The following TLL2 variants were observed in gnomAD, a reference collection of about 807,000 sequenced individuals.
TLL2 encodes the protein tolloid-like protein 2.
A neutral mutation model predicts 123.0 loss-of-function variants in TLL2; 106 were observed. The observed-to-expected ratio is 0.86, with a 90% CI of 0.74 to 1.01. The LOEUF is 1.01. Ranked by LOEUF, TLL2 falls within the 50% of genes least tolerant of loss-of-function variation. The pLI, the probability that TLL2 is intolerant of heterozygous loss-of-function variation, is 0.00. For synonymous variants in TLL2, 494 were observed against 516.8 expected, an observed-to-expected ratio of 0.96 and a Z score of 0.60; for missense variants, 1,332 against 1,336.7, an observed-to-expected ratio of 1.00 and a Z score of 0.06.
intron 1 of TLL2, among the ~76,000 whole-genome samples, chr10:96,482,124 G>T (rs1234177086): frequency 6.6e-6 from 1 of 152,196 alleles, no homozygotes; most frequent in Non-Finnish European, 1.5e-5. Flanking sequence ...TGGGCATGGT[G>T]GCGGGCGCCT....
Position 96,395,252 on chromosome 10 carries a change from A to T in TLL2, c.1661T>A (p.Leu554Gln), listed in dbSNP as rs546079212. The change falls in exon 13 of 21, where the codon CTG becomes CAG. Residue 554 changes from leucine (L) to glutamine (Q), a missense_variant. By Grantham distance (113) the Leu-to-Gln change is moderately radical. Transcript: ENST00000357947. ...GCCATCGGACACAAACTTCATCCAC[A>T]GTCTGTTGGAGCTCGATTTCACATC... is the stretch of plus-strand genomic sequence containing the variant. ...PEDVKSSSNR[L>Q]WMKFVSDGSI... 1 of 1,613,810 alleles carries T rather than the reference A, an allele frequency of 6.2e-7. No individual in the cohort carries two copies. Among genetic ancestry groups the T allele is most frequent in the Non-Finnish European group, 8.5e-7 (1 of 1,179,938 alleles).
intron 1 of TLL2, among the ~76,000 whole-genome samples, chr10:96,487,475 C>T (rs1055792043): frequency 6.6e-6 from 1 of 152,106 alleles, no homozygotes; most frequent in Non-Finnish European, 1.5e-5. Context: ...AACCAGACAG[C>T]GGGGGCTAAA....
At chr10:96,379,686 G>A (rs1181401969) in intron 16 of TLL2, among the ~76,000 whole-genome samples, 1 of 152,200 alleles carries the variant, frequency 6.6e-6, no homozygotes, top group Non-Finnish European at 1.5e-5. Context: ...GCCAGGCGTG[G>A]TGGTGCATGC....
Position 96,513,671 on chromosome 10 carries a change from A to G in TLL2, c.15T>C (p.Thr5=), listed in dbSNP as rs1453057863. 2 of 1,558,692 alleles carry G rather than the reference A, an allele frequency of 1.3e-6. No homozygotes were observed. Among genetic ancestry groups the G allele is most frequent in the Admixed American group, 3.7e-5 (2 of 54,698 alleles). ...GCAGTGACACCAGGGCCCCAAGTGC[A>G]GTCGCCCGGGGCATGGTGGCGCGGG... MPRA[T]ALGALVSLLL... Residue 5 remains threonine, a synonymous_variant, in exon 1 of 21, where the codon ACT becomes ACC. Transcript: ENST00000357947.
At chr10:96,502,175 C>G (rs990039073) in intron 1 of TLL2, among the ~76,000 whole-genome samples, 2 of 152,028 alleles carry the variant, frequency 1.3e-5, no homozygotes, top group African/African-American at 2.4e-5. Context: ...GAAGAAGAAC[C>G]GATGTGAGCT....
chr10:96,457,242 AG>A (rs1414998035), intron 2 of TLL2, among the ~76,000 whole-genome samples: 2 of 152,138 alleles, frequency 1.3e-5, no homozygotes, highest in Admixed American at 6.5e-5. Context: ...CCAGGACCAC[AG>A]CTGAACCAGC....
intron 7 of TLL2, 107 bp downstream of exon 7, chr10:96,420,849 G>A (rs1432018007): frequency 1.4e-5 from 13 of 909,202 alleles, no homozygotes; most frequent in South Asian, 6.8e-5. Context: ...CAGGCCAGCC[G>A]TGCTAGAAGC....
At chr10:96,466,040 C>T (rs568403075) in intron 2 of TLL2, among the ~76,000 whole-genome samples, 6 of 152,316 alleles carry the variant, frequency 3.9e-5, no homozygotes, top group African/African-American at 1.2e-4. Flanking sequence ...CAGGACCTCT[C>T]GCTTGAAGGG....
intron 5 of TLL2, among the ~76,000 whole-genome samples, chr10:96,424,112 T>G (rs979684828): frequency 2.0e-5 from 3 of 152,036 alleles, no homozygotes; most frequent in Non-Finnish European, 4.4e-5. Flanking sequence ...TTAAAACAAT[T>G]GAACTCATGC....
rs551099750 is a variant in TLL2, at chr10:96,404,739, C to A, written c.1267+493G>T. Among the ~76,000 whole-genome samples the A allele has an allele frequency of 7.9e-5, 12 of 152,166 alleles. No individual in the cohort carries two copies. The South Asian group carries it at 2.3e-3, about 29-fold the overall frequency. On this transcript the variant is annotated intron_variant, in intron 10 of 20. Transcript: ENST00000357947. ...GCATTATATATATATATATAAAATG[C>A]ATAAATGTATTTTTTAATCAAAATG... is the stretch of plus-strand genomic sequence containing the variant.
intron 1 of TLL2, among the ~76,000 whole-genome samples, chr10:96,480,877 T>C (rs965429778): frequency 6.6e-6 from 1 of 152,246 alleles, no homozygotes; most frequent in Non-Finnish European, 1.5e-5. Context: ...GGAAAGATTA[T>C]AGCTCACTGC....
At chr10:96,484,398 C>T (rs1389524864) in intron 1 of TLL2, among the ~76,000 whole-genome samples, 1 of 152,146 alleles carries the variant, frequency 6.6e-6, no homozygotes, top group Non-Finnish European at 1.5e-5. Context: ...TTATTTATTC[C>T]TGTATCATAA....
chr10:96,513,596 C>G lies in TLL2; in HGVS notation c.90G>C (p.Pro30=). ...GCTCTGAGTAGTCTGCGGTGGCGTC[C>G]GGGCGCTCCCCGAGTCCCCCGGCGC... The part of the protein sequence containing the change: ...PRGAGGLGER[P]DATADYSELD... Residue 30 remains proline, a synonymous_variant, in exon 1 of 21, where the codon CCG becomes CCC. Coordinates refer to ENST00000357947, the MANE Select transcript of TLL2 (RefSeq NM_012465.4). 6.2e-7 allele frequency: 1 copy of G among 1,605,848 alleles called. No homozygotes were observed. Among genetic ancestry groups the G allele is most frequent in the Admixed American group, 1.7e-5 (1 of 59,948 alleles).
chr10:96,476,216 T>TCATATATATATATATA (rs1554939587), intron 2 of TLL2, among the ~76,000 whole-genome samples: 15 of 33,354 alleles, frequency 4.5e-4, no homozygotes, highest in African/African-American at 1.2e-3. Flanking sequence ...CTTTTTAATT[T>TCATATATATATATATA]TATATGTATA....
chr10:96,392,812 A>C (rs1366145980), intron 13 of TLL2, among the ~76,000 whole-genome samples: 2 of 152,186 alleles, frequency 1.3e-5, no homozygotes, highest in Admixed American at 1.3e-4. Flanking sequence ...TAAGGATCTT[A>C]ATTAGGTGAA....
At chr10:96,443,256 G>A (rs1172174801) in intron 3 of TLL2, among the ~76,000 whole-genome samples, 1 of 152,146 alleles carries the variant, frequency 6.6e-6, no homozygotes, top group Non-Finnish European at 1.5e-5. Context: ...TGGTCTGGTC[G>A]TTTGGCTTAT....
At chr10:96,436,237 A>C (rs531809452) in intron 3 of TLL2, among the ~76,000 whole-genome samples, 1 of 152,390 alleles carries the variant, frequency 6.6e-6, no homozygotes, top group Admixed American at 6.5e-5. Context: ...ATTTGCAAAA[A>C]CAGCAGGTTG....
Position 96,370,179 on chromosome 10 carries a change from C to T in TLL2, c.2799G>A (p.Leu933=). 6.2e-7 allele frequency: 1 copy of T among 1,614,158 alleles called. No homozygotes were observed. Among genetic ancestry groups the T allele is most frequent in the Non-Finnish European group, 8.5e-7 (1 of 1,179,998 alleles). The part of the protein sequence containing the change: ...IVAEDGYGVE[L]TFRTFEVEEE... The stretch of plus-strand genomic sequence containing the variant: ...CCTCAACCTCAAAGGTCCGGAATGT[C>T]AGCTCCACGCCGTAGCCGTCCTCTG... The change falls in exon 20 of 21, where the codon CTG becomes CTA. Residue 933 remains leucine, a synonymous_variant. Transcript: ENST00000357947.
intron 3 of TLL2, among the ~76,000 whole-genome samples, chr10:96,445,656 A>T (rs139723597): frequency 1.4e-3 from 213 of 152,224 alleles, no homozygotes; most frequent in Admixed American, 2.0e-3. Context: ...AGGGGCTTCA[A>T]CTCACGATCC....
Sources: gnomAD v4.1 joint callset for allele counts (sites outside exome capture counted in the v4.1 genomes callset) on GRCh38, gnomAD v4.1.1 for gene constraint, MANE v1.5 for transcripts, NCBI Gene and HGNC (gene_info 2026-07-23, HGNC 2026-07-21) for gene names.